CPVL: variants seen among roughly 807,000 people sequenced by gnomAD.
The protein encoded by CPVL is probable serine carboxypeptidase CPVL.
In CPVL, 51 loss-of-function variants were observed where a neutral mutation model predicts 63.7. The observed-to-expected ratio is 0.80, with a 90% CI of 0.64 to 1.01. The LOEUF is 1.01. Ranked by LOEUF, CPVL falls within the 50% of genes least tolerant of loss-of-function variation. CPVL has a pLI of 0.00. For missense variants in CPVL, 530 were observed against 573.1 expected (o/e 0.92, Z 0.77); for synonymous variants, 195 against 206.0 (o/e 0.95, Z 0.46).
intron 3 of CPVL, among the ~76,000 whole-genome samples, chr7:29,101,396 C>T (rs1025690293): frequency 2.0e-5 from 3 of 151,992 alleles, no homozygotes; most frequent in South Asian, 2.1e-4. Context: ...GTCAGGAGAT[C>T]GAAACCATCC....
rs186089945 is a variant in CPVL at position 29,033,908 on chromosome 7, T to C, written c.1138-3149A>G. Among the ~76,000 whole-genome samples, 370 of 152,320 alleles carry C rather than the reference T, an allele frequency of 2.4e-3. 1 individual carries two copies. Among genetic ancestry groups the C allele is most frequent in the Non-Finnish European group, 4.4e-3 (301 of 68,032 alleles). On this transcript the variant is annotated intron_variant, in intron 11 of 12. Transcript: ENST00000265394. ...TTATGCAATGTCACAGAAAAATGCT[T>C]ATCTTATGAAAAAAATCAATGAAAA...
chr7:29,089,797 G>A (rs367632159), intron 6 of CPVL, among the ~76,000 whole-genome samples: 34 of 152,180 alleles, frequency 2.2e-4, no homozygotes, highest in South Asian at 1.5e-3. Context: ...GAGCAGACAC[G>A]GAGTTGTAAC....
intron 1 of CPVL, among the ~76,000 whole-genome samples, chr7:29,123,457 G>C (rs1200157752): frequency 6.6e-6 from 1 of 151,334 alleles, no homozygotes; most frequent in Non-Finnish European, 1.5e-5. Context: ...AGGTTCCCAA[G>C]AAGCCCCAGG....
At position 29,066,108 on chromosome 7, in the gene CPVL, A is replaced by G; in HGVS notation, c.878T>C (p.Leu293Pro). The change falls in exon 10 of 13, where the codon CTA becomes CCA. Residue 293 changes from leucine (L) to proline (P), a missense_variant. Transcript: ENST00000265394. ...WFEAFEILDK[L>P]LDGDLTSDPS... ...ATCACTTGTTAAGTCGCCATCTAGT[A>G]GTTTATCCAGTATCTAGGTTGGGAG... The G allele has an allele frequency of 1.9e-6, 3 of 1,574,918 alleles. No individual in the cohort carries two copies. The highest frequency in any genetic ancestry group is 2.6e-6 in the Non-Finnish European group (3 of 1,146,654).
chr7:29,028,562 G>A (rs569772149), intron 12 of CPVL, among the ~76,000 whole-genome samples: 11 of 152,252 alleles, frequency 7.2e-5, no homozygotes, highest in African/African-American at 2.6e-4. Flanking sequence ...ACAACCTGTA[G>A]AATAGGAGAA....
At chr7:29,123,609 AAAAAAAAAAAAAAAAAAAAATAT>A (rs1277354006) in intron 1 of CPVL, among the ~76,000 whole-genome samples, 2 of 91,010 alleles carry the variant, frequency 2.2e-5, no homozygotes, top group South Asian at 7.1e-4. Context: ...AAAAAAAAAA[AAAAAAAAAAAAAAAAAAAAATAT>A]ATATATATAT....
Position 29,086,539 on chromosome 7 carries a change from T to C in CPVL, c.554A>G (p.Gln185Arg), listed in dbSNP as rs1439900127. Residue 185 changes from glutamine to arginine, a missense_variant, in exon 7 of 13, where the codon CAG becomes CGG. Transcript: ENST00000265394. ...ATATTCAGGAAATATCTGGAAAAAC[T>C]GAATTAGTGCACTGCAAAAAGAAGA... is the stretch of plus-strand genomic sequence containing the variant. ...VARDLYSALI[Q>R]FFQIFPEYKN... 11 of 1,607,486 alleles carry C rather than the reference T, an allele frequency of 6.8e-6. No individual in the cohort carries two copies. The highest frequency in any genetic ancestry group is 9.4e-6 in the Non-Finnish European group (11 of 1,174,276).
intron 11 of CPVL, among the ~76,000 whole-genome samples, chr7:29,033,347 G>T (rs1414896390): frequency 6.6e-6 from 1 of 152,190 alleles, no homozygotes; most frequent in Non-Finnish European, 1.5e-5. Context: ...TGAGAAGCAG[G>T]TGGGCACGGC....
At chr7:29,159,365 C>T (rs780652990) in intron 5 of CPVL, among the ~76,000 whole-genome samples, 11 of 152,180 alleles carry the variant, frequency 7.2e-5, no homozygotes, top group Non-Finnish European at 1.3e-4. Flanking sequence ...ACAGAGCCTT[C>T]ATGGTCTTAA....
chr7:29,170,724 G>A (rs544667998), intron 5 of CPVL, among the ~76,000 whole-genome samples: 1 of 152,226 alleles, frequency 6.6e-6, no homozygotes, highest in Non-Finnish European at 1.5e-5. Flanking sequence ...ACGTACTCGC[G>A]ACTGGGCAAT....
intron 5 of CPVL, among the ~76,000 whole-genome samples, chr7:29,174,473 G>A (rs1166015793): frequency 6.6e-6 from 1 of 152,180 alleles, no homozygotes; most frequent in Non-Finnish European, 1.5e-5. Context: ...GGGACAGGTT[G>A]CTCAGCTGAT....
chr7:29,141,629 T>C (rs1202635786), intron 1 of CPVL, among the ~76,000 whole-genome samples: 1 of 151,592 alleles, frequency 6.6e-6, no homozygotes, highest in African/African-American at 2.4e-5. Flanking sequence ...AAAAACTCTG[T>C]ACCTTGGCCG....
chr7:29,010,831 C>T (rs1785749084), intron 12 of CPVL: 1 of 152,140 alleles, frequency 6.6e-6, no homozygotes, highest in African/African-American at 2.4e-5. Flanking sequence ...AGCATTATCT[C>T]AATTCATCCT....
chr7:29,041,523 T>C (rs1221606857), intron 11 of CPVL, among the ~76,000 whole-genome samples: 2 of 152,168 alleles, frequency 1.3e-5, no homozygotes, highest in Non-Finnish European at 2.9e-5. Flanking sequence ...AAGACTGCAA[T>C]GTGCTTGACA....
chr7:29,038,047 C>A (rs317759), intron 11 of CPVL, among the ~76,000 whole-genome samples: 21,778 of 152,134 alleles, frequency 0.14, 1,624 homozygotes, highest in Middle Eastern at 0.23. Context: ...AAATAAATTC[C>A]TATACTGGAG....
At chr7:29,087,423 CAAAAAAAAAAAA>C (rs56726137) in intron 6 of CPVL, among the ~76,000 whole-genome samples, 31 of 71,396 alleles carry the variant, frequency 4.3e-4, no homozygotes, top group African/African-American at 1.3e-3. Flanking sequence ...GACTCTGTCT[CAAAAAAAAAAAA>C]AAAAAAAAAG....
chr7:29,071,713 G>GCCCCC, intron 9 of CPVL, 60 bp downstream of exon 9: 1 of 273,498 alleles, frequency 3.7e-6, no homozygotes, highest in Non-Finnish European at 6.9e-6. Context: ...CTGCTCACCC[G>GCCCCC]CCCTCCCTCC....
chr7:29,165,241 G>C (rs1326426804), intron 5 of CPVL, among the ~76,000 whole-genome samples: 1 of 151,936 alleles, frequency 6.6e-6, no homozygotes, highest in Non-Finnish European at 1.5e-5. Context: ...TTGATATAAA[G>C]GTCTTGCATA....
At chr7:29,183,588 G>T (rs1798340321) in intron 4 of CPVL, among the ~76,000 whole-genome samples, 1 of 151,864 alleles carries the variant, frequency 6.6e-6, no homozygotes, top group Non-Finnish European at 1.5e-5. Context: ...TGTTGGCCAG[G>T]CTGGTCTCAA....
Sources: allele counts gnomAD v4.1 joint callset (sites outside exome capture counted in the v4.1 genomes callset), GRCh38; gene constraint gnomAD v4.1.1; transcripts MANE v1.5; gene names NCBI Gene and HGNC (gene_info 2026-07-23, HGNC 2026-07-21).